The following KIF1B variants were observed in gnomAD, a reference collection of about 807,000 sequenced individuals.
The protein encoded by KIF1B is kinesin-like protein KIF1B.
In KIF1B, 76 loss-of-function variants were observed where a neutral mutation model predicts 241.9. The ratio of observed to expected loss-of-function variants is 0.31; its 90% confidence interval spans 0.26 to 0.38. The LOEUF (loss-of-function observed/expected upper bound fraction) is 0.38, where lower values mean the gene tolerates loss of function less well. Ranked by LOEUF, KIF1B falls within the 10% of genes least tolerant of loss-of-function variation. The pLI is 1.00. For synonymous variants in KIF1B, 750 were observed against 796.7 expected (o/e 0.94, Z 0.99); for missense variants, 1,622 against 2,271.4 (o/e 0.71, Z 5.81).
chr1:10,365,787 G>T lies in KIF1B; in HGVS notation c.4752+139G>T, dbSNP rs747128270. ...ACTGTGAATGTAGAAATAAAAAGAC[G>T]CAGTTCCTACCCTCAACAAGCTTAC... On this transcript the variant is annotated intron_variant, in intron 43 of 48. Coordinates refer to ENST00000676179, the MANE Select transcript of KIF1B (RefSeq NM_001365951.3). The surrounding 1 kb of genome is among the most constrained non-coding windows in gnomAD (Gnocchi z 4.0). The T allele has an allele frequency of 7.2e-6, 9 of 1,253,284 alleles. No homozygotes were observed. The highest frequency in any genetic ancestry group is 1.5e-5 in the African/African-American group (1 of 67,896). The allele number at this position is 1,253,284 out of a possible 1,614,324, so 77.6% of individuals were successfully genotyped here.
At chr1:10,250,951 T>A (rs535720495) in intron 2 of KIF1B, among the ~76,000 whole-genome samples, 1 of 151,956 alleles carries the variant, frequency 6.6e-6, no homozygotes, top group Admixed American at 6.6e-5. Context: ...TCACCTGAGG[T>A]AAGGATCCTG....
intron 14 of KIF1B, among the ~76,000 whole-genome samples, chr1:10,281,602 G>T (rs967133571): frequency 6.6e-6 from 1 of 152,160 alleles, no homozygotes; most frequent in Non-Finnish European, 1.5e-5. Context: ...TCTGACAGAA[G>T]AATGGAACCT....
intron 22 of KIF1B, among the ~76,000 whole-genome samples, 183 bp downstream of exon 22, chr1:10,297,429 C>T (rs1453352132): frequency 6.6e-6 from 1 of 152,154 alleles, no homozygotes; most frequent in African/African-American, 2.4e-5. Context: ...AAAAAATAGT[C>T]CACAGAGGTA....
chr1:10,255,412 A>T (rs1647717293), intron 2 of KIF1B, among the ~76,000 whole-genome samples: 1 of 152,008 alleles, frequency 6.6e-6, no homozygotes, highest in South Asian at 2.1e-4. Flanking sequence ...CAACATGGTG[A>T]AACCCTGTCT....
rs986217439 is a variant in KIF1B, at chr1:10,380,281, G to T, written c.*3694G>T. 6.6e-5 allele frequency: 14 copies of T among 211,422 alleles called. No homozygotes were observed. The highest frequency in any genetic ancestry group is 6.5e-4 in the Admixed American group (11 of 16,952). 13.1% of individuals were successfully genotyped at this position (211,422 alleles called of 1,614,324 possible). On this transcript the variant is annotated 3_prime_UTR_variant, in exon 49 of 49. Coordinates refer to ENST00000676179, the MANE Select transcript of KIF1B (RefSeq NM_001365951.3). ...GGATTCTCCAGTGTGCACACTCATCGGTACTCTTTCTGCATTTCCCTCGTG... is the reference window on the plus strand; with the variant it reads ...GGATTCTCCAGTGTGCACACTCATCTGTACTCTTTCTGCATTTCCCTCGTG...
chr1:10,355,034 T>C (rs1652925965), intron 38 of KIF1B, among the ~76,000 whole-genome samples: 4 of 152,200 alleles, frequency 2.6e-5, no homozygotes, highest in African/African-American at 9.7e-5. Flanking sequence ...TTTATGTTAA[T>C]GCATTGACTT....
intron 48 of KIF1B, among the ~76,000 whole-genome samples, 164 bp from the exon 49 acceptor site, chr1:10,376,381 T>C (rs1283189495): frequency 6.6e-6 from 1 of 152,214 alleles, no homozygotes; most frequent in Non-Finnish European, 1.5e-5. Context: ...CCTCACGTTC[T>C]GAGGGCTTGT....
chr1:10,304,163 A>G (rs377335901), intron 22 of KIF1B: 35 of 1,614,092 alleles, frequency 2.2e-5, no homozygotes, highest in Non-Finnish European at 2.6e-5. Flanking sequence ...ATTCCAAAAG[A>G]CGATGAAGCA....
intron 4 of KIF1B, among the ~76,000 whole-genome samples, chr1:10,261,389 GC>G (rs1381189260): frequency 6.6e-6 from 1 of 151,370 alleles, no homozygotes; most frequent in Non-Finnish European, 1.5e-5. Flanking sequence ...TCCTGCCTCA[GC>G]CTCCAGAATA....
chr1:10,319,102 C>A lies in KIF1B; in HGVS notation c.2116-941C>A, dbSNP rs560731386. Among the ~76,000 whole-genome samples, 30 of 143,872 alleles carry A rather than the reference C, an allele frequency of 2.1e-4. 1 individual carries two copies. In the South Asian group the frequency reaches 4.2e-3, roughly 20 times the overall value. 94.4% of individuals were successfully genotyped at this position (143,872 alleles called of 152,430 possible). ...TACATCTGATTTGTATTACAATAAT[C>A]CTTTTTTTTTTTTTTTTTGAGACAG... On this transcript the variant is annotated intron_variant, in intron 22 of 48. Transcript: ENST00000676179.
intron 31 of KIF1B, among the ~76,000 whole-genome samples, chr1:10,338,271 C>T (rs1399800844): frequency 6.6e-6 from 1 of 152,110 alleles, no homozygotes; most frequent in Non-Finnish European, 1.5e-5. Flanking sequence ...TCCCTCTCCC[C>T]TCAGAATGTG....
chr1:10,279,721 AGT>A (rs1381845168), intron 14 of KIF1B, among the ~76,000 whole-genome samples: 1 of 106,118 alleles, frequency 9.4e-6, no homozygotes, highest in African/African-American at 3.8e-5. Context: ...TTTTTTAGAC[AGT>A]CTCACTCTTG....
At chr1:10,346,092 T>G in intron 35 of KIF1B, 139 bp downstream of exon 35, 1 of 719,616 alleles carries the variant, frequency 1.4e-6, no homozygotes, top group Non-Finnish European at 2.5e-6. Context: ...TGTTTTTGTT[T>G]TAATAGAGAT....
At position 10,376,907 on chromosome 1, in the gene KIF1B, G is replaced by A. The variant is rs1305367042; in HGVS notation, c.*320G>A. 2.4e-6 allele frequency: 1 copy of A among 421,198 alleles called. No individual in the cohort carries two copies. Among genetic ancestry groups the A allele is most frequent in the Non-Finnish European group, 4.5e-6 (1 of 224,108 alleles). The allele number at this position is 421,198 out of a possible 1,614,324, so 26.1% of individuals were successfully genotyped here. A position where few individuals can be genotyped will look rare whatever the true frequency, so the allele number is the denominator to read the frequency against. Reference sequence around the variant, plus strand: ...CACAAAAACTCTGAGGGGATCTGGTGAATCTCCAAATTATTGTGGGTGTAC... The same window carrying A: ...CACAAAAACTCTGAGGGGATCTGGTAAATCTCCAAATTATTGTGGGTGTAC... On this transcript the variant is annotated 3_prime_UTR_variant, in exon 49 of 49. Transcript: ENST00000676179.
intron 5 of KIF1B, among the ~76,000 whole-genome samples, chr1:10,262,729 T>C (rs1411008480): frequency 1.3e-5 from 2 of 152,244 alleles, no homozygotes; most frequent in African/African-American, 4.8e-5. Context: ...TTGTAAATTA[T>C]GCATATGCCT....
At chr1:10,310,450 T>G (rs1651017883) in intron 22 of KIF1B, among the ~76,000 whole-genome samples, 3 of 151,598 alleles carry the variant, frequency 2.0e-5, no homozygotes. Flanking sequence ...GTGGTCTTTT[T>G]TGTGAAACTG....
At chr1:10,375,786 G>GTTTTTTTTTTTTTTTTTT in intron 48 of KIF1B, among the ~76,000 whole-genome samples, 1 of 69,566 alleles carries the variant, frequency 1.4e-5, no homozygotes, top group Non-Finnish European at 2.6e-5. Flanking sequence ...TTCTTTTCTT[G>GTTTTTTTTTTTTTTTTTT]TTTTTTTTTT....
intron 10 of KIF1B, among the ~76,000 whole-genome samples, chr1:10,274,654 C>T (rs1437701769): frequency 2.0e-5 from 3 of 152,152 alleles, no homozygotes; most frequent in Non-Finnish European, 4.4e-5. Flanking sequence ...AGATGACTTG[C>T]TCCTACACAT....
intron 1 of KIF1B, among the ~76,000 whole-genome samples, chr1:10,222,370 G>A (rs142446825): frequency 1.9e-3 from 296 of 152,260 alleles, no homozygotes; most frequent in Non-Finnish European, 3.7e-3. Flanking sequence ...CTGAGACAGG[G>A]GAGGTAGGTT....
Sources: gnomAD v4.1 joint callset for allele counts (sites outside exome capture counted in the v4.1 genomes callset) on GRCh38, gnomAD v4.1.1 for gene constraint, Gnocchi (gnomAD v3.1) non-coding constraint, MANE v1.5 for transcripts, NCBI Gene and HGNC (gene_info 2026-07-23, HGNC 2026-07-21) for gene names.